The following NETO1 variants were observed in gnomAD, a reference collection of about 807,000 sequenced individuals.
NETO1 encodes the protein neuropilin and tolloid-like protein 1.
A neutral mutation model predicts 61.3 loss-of-function variants in NETO1; 26 were observed. That is an observed-to-expected ratio of 0.42 (90% CI 0.31 to 0.59). The LOEUF (loss-of-function observed/expected upper bound fraction) is 0.59, where lower values mean the gene tolerates loss of function less well. Ranked by LOEUF, NETO1 falls within the 20% of genes least tolerant of loss-of-function variation. The pLI is 0.12. For missense variants in NETO1, 531 were observed against 662.8 expected (o/e 0.80, Z 2.18); for synonymous variants, 225 against 225.8 (o/e 1.00, Z 0.03).
At chr18:72,854,471 T>C (rs770003088) in intron 4 of NETO1, among the ~76,000 whole-genome samples, 18 of 152,076 alleles carry the variant, frequency 1.2e-4, no homozygotes, top group Non-Finnish European at 2.4e-4. Flanking sequence ...AGGAAGTAAA[T>C]TATAAGACCA....
rs74813949 is a variant in NETO1 at position 72,813,628 on chromosome 18, A to G, written c.470-19224T>C. 8.2e-3 allele frequency among the ~76,000 whole-genome samples: 1,255 copies of G among 152,318 alleles called. 28 individuals are homozygous for G. In the East Asian group the frequency reaches 0.089, roughly 11 times the overall value. On this transcript the variant is annotated intron_variant, in intron 4 of 10. Coordinates refer to ENST00000327305, the MANE Select transcript of NETO1 (RefSeq NM_138966.5). The stretch of plus-strand genomic sequence containing the variant: ...CTCAGTGTTTTTGAAAAATAACTAA[A>G]TAAATGTAGAAATGAAAATCACAGT...
intron 4 of NETO1, among the ~76,000 whole-genome samples, chr18:72,795,331 C>T (rs940841564): frequency 6.6e-5 from 10 of 152,058 alleles, no homozygotes; most frequent in Non-Finnish European, 8.8e-5. Flanking sequence ...TTGTATCGGA[C>T]GTCGTGGAAT....
At chr18:72,864,276 A>AT (rs1230372744) in intron 3 of NETO1, among the ~76,000 whole-genome samples, 2 of 152,234 alleles carry the variant, frequency 1.3e-5, no homozygotes, top group African/African-American at 4.8e-5. Flanking sequence ...ATAAAGGGTC[A>AT]TAATTTACAA....
chr18:72,851,464 A>G (rs2074248181), intron 4 of NETO1, among the ~76,000 whole-genome samples: 1 of 152,130 alleles, frequency 6.6e-6, no homozygotes, highest in Non-Finnish European at 1.5e-5. Flanking sequence ...GAGATCTAGG[A>G]GAAATAAACT....
intron 4 of NETO1, among the ~76,000 whole-genome samples, chr18:72,811,232 C>G (rs1009893854): frequency 6.6e-6 from 1 of 152,162 alleles, no homozygotes; most frequent in South Asian, 2.1e-4. Flanking sequence ...TGCCCACTCA[C>G]CCTAACGGCA....
chr18:72,794,049 A>G, intron 6 of NETO1, 68 bp downstream of exon 6: 19 of 1,601,738 alleles, frequency 1.2e-5, no homozygotes, highest in Non-Finnish European at 1.6e-5. Context: ...CAGTTGCTTC[A>G]AAGCAATGCT....
intron 7 of NETO1, among the ~76,000 whole-genome samples, chr18:72,760,183 A>G (rs1003381379): frequency 8.5e-5 from 13 of 152,220 alleles, no homozygotes; most frequent in African/African-American, 3.1e-4. Flanking sequence ...TCTATTAATG[A>G]AGCAAAATAT....
intron 4 of NETO1, among the ~76,000 whole-genome samples, chr18:72,827,268 G>A (rs1261919253): frequency 6.6e-6 from 1 of 152,088 alleles, no homozygotes; most frequent in Non-Finnish European, 1.5e-5. Flanking sequence ...TATGCAACGT[G>A]AGTGACAATG....
Position 72,864,923 on chromosome 18 carries a change from T to A in NETO1, c.105A>T (p.Thr35=). 1 of 1,600,120 alleles carries A rather than the reference T, an allele frequency of 6.2e-7. No homozygotes were observed. Among genetic ancestry groups the A allele is most frequent in the Non-Finnish European group, 8.5e-7 (1 of 1,176,892 alleles). ...KGTEKQTTSE[T]QKSVQCGTWT... ...AAGTTCCACACTGCACTGACTTCTG[T>A]GTTTCTGAGGTGGTTTGCTTTTCTG... Residue 35 remains threonine, a synonymous_variant, in exon 3 of 11, where the codon ACA becomes ACT. Coordinates refer to ENST00000327305, the MANE Select transcript of NETO1 (RefSeq NM_138966.5).
chr18:72,839,105 A>C (rs2073844219), intron 4 of NETO1, among the ~76,000 whole-genome samples: 1 of 152,204 alleles, frequency 6.6e-6, no homozygotes, highest in African/African-American at 2.4e-5. Flanking sequence ...TTAATGTCAA[A>C]AGAAAGTTAA....
At chr18:72,797,433 A>G (rs1427072189) in intron 4 of NETO1, among the ~76,000 whole-genome samples, 1 of 152,224 alleles carries the variant, frequency 6.6e-6, no homozygotes, top group Non-Finnish European at 1.5e-5. Flanking sequence ...GGGCCATATG[A>G]CCTGCAAAAA....
At chr18:72,754,711 A>G (rs547798859) in intron 8 of NETO1, among the ~76,000 whole-genome samples, 1 of 152,312 alleles carries the variant, frequency 6.6e-6, no homozygotes, top group South Asian at 2.1e-4. Flanking sequence ...GAAGTAGACA[A>G]TTCAACCATG....
At chr18:72,777,542 C>T (rs1029451371) in intron 7 of NETO1, among the ~76,000 whole-genome samples, 5 of 151,810 alleles carry the variant, frequency 3.3e-5, no homozygotes, top group Admixed American at 6.6e-5. Context: ...AGACCAAGAC[C>T]GTCCTGGCTA....
At chr18:72,822,740 T>C (rs759020588) in intron 4 of NETO1, among the ~76,000 whole-genome samples, 1 of 152,216 alleles carries the variant, frequency 6.6e-6, no homozygotes, top group Non-Finnish European at 1.5e-5. Flanking sequence ...TCACTTGCGG[T>C]AGACACTGTT....
rs114944910 is a variant in NETO1 at position 72,785,996 on chromosome 18, G to A, written c.640-2090C>T. 3.8e-3 allele frequency among the ~76,000 whole-genome samples: 585 copies of A among 152,160 alleles called. 5 individuals carry two copies. The highest frequency in any genetic ancestry group is 0.013 in the African/African-American group (529 of 41,512). On this transcript the variant is annotated intron_variant, in intron 6 of 10. Coordinates refer to ENST00000327305, the MANE Select transcript of NETO1 (RefSeq NM_138966.5). Reference sequence around the variant, plus strand: ...TCCCTTCTAATAAATTTGTGTTCTCGAAAAGCTGAATCAGTGGTATATATT... The same window carrying A: ...TCCCTTCTAATAAATTTGTGTTCTCAAAAAGCTGAATCAGTGGTATATATT...
chr18:72,857,496 AT>A (rs1188819654), intron 4 of NETO1, among the ~76,000 whole-genome samples: 1 of 152,196 alleles, frequency 6.6e-6, no homozygotes, highest in East Asian at 1.9e-4. Context: ...CCAAGACATT[AT>A]TTTCATGATC....
chr18:72,785,651 T>C (rs997422209), intron 6 of NETO1, among the ~76,000 whole-genome samples: 1 of 152,226 alleles, frequency 6.6e-6, no homozygotes, highest in Non-Finnish European at 1.5e-5. Flanking sequence ...AACTCGTCAT[T>C]TAACGTTAGG....
At chr18:72,753,181 G>A (rs1446124088) in intron 8 of NETO1, among the ~76,000 whole-genome samples, 1 of 137,264 alleles carries the variant, frequency 7.3e-6, no homozygotes, top group Admixed American at 7.1e-5. Context: ...TTCCAAGTAG[G>A]ATAAATGCAA....
chr18:72,843,335 A>G (rs2073990569), intron 4 of NETO1, among the ~76,000 whole-genome samples: 1 of 152,218 alleles, frequency 6.6e-6, no homozygotes, highest in Non-Finnish European at 1.5e-5. Flanking sequence ...ATGACAAGGA[A>G]ATAACGAATA....
Sources: gnomAD v4.1 joint callset for allele counts (sites outside exome capture counted in the v4.1 genomes callset) on GRCh38, gnomAD v4.1.1 for gene constraint, MANE v1.5 for transcripts, NCBI Gene and HGNC (gene_info 2026-07-23, HGNC 2026-07-21) for gene names.